RGL1: variants seen among roughly 807,000 people sequenced by gnomAD.
RGL1 encodes the protein ral guanine nucleotide dissociation stimulator like 1.
In RGL1, 24 loss-of-function variants were observed where a neutral mutation model predicts 95.2. That is an observed-to-expected ratio of 0.25 (90% CI 0.18 to 0.35). The LOEUF is 0.35. RGL1 is among the 10% of genes least tolerant of loss of function. RGL1 has a pLI of 1.00. For missense variants in RGL1, 715 were observed against 936.3 expected (o/e 0.76, Z 3.08); for synonymous variants, 329 against 344.9 (o/e 0.95, Z 0.51).
At chr1:183,898,378 C>T (rs1161019403) in intron 10 of RGL1, among the ~76,000 whole-genome samples, 5 of 152,326 alleles carry the variant, frequency 3.3e-5, no homozygotes, top group Middle Eastern at 6.8e-3. Context: ...CCCAGCTCTC[C>T]TTACTAATCC....
intron 3 of RGL1, among the ~76,000 whole-genome samples, chr1:183,864,676 C>A (rs1665717287): frequency 6.6e-6 from 1 of 152,130 alleles, no homozygotes; most frequent in South Asian, 2.1e-4. Context: ...ATAGCAGGTG[C>A]AGGACAGAAT....
intron 4 of RGL1, among the ~76,000 whole-genome samples, chr1:183,869,843 G>C (rs2102604818): frequency 6.6e-6 from 1 of 152,306 alleles, no homozygotes; most frequent in African/African-American, 2.4e-5. Flanking sequence ...CATCTGACTT[G>C]CAGCAATGAT....
At chr1:183,729,649 A>G (rs1307308766) in intron 1 of RGL1, among the ~76,000 whole-genome samples, 2 of 152,236 alleles carry the variant, frequency 1.3e-5, no homozygotes, top group South Asian at 4.1e-4. Context: ...AAATGAAAGC[A>G]TGTGTCCACA....
At chr1:183,856,794 G>GGT (rs1391606499) in intron 3 of RGL1, among the ~76,000 whole-genome samples, 10 of 152,002 alleles carry the variant, frequency 6.6e-5, no homozygotes, top group African/African-American at 2.2e-4. Context: ...AAAATCTTTG[G>GGT]GTATGAAAAT....
intron 2 of RGL1, among the ~76,000 whole-genome samples, chr1:183,746,145 C>G (rs962450392): frequency 6.6e-6 from 1 of 151,946 alleles, no homozygotes; most frequent in Non-Finnish European, 1.5e-5. Context: ...AGTCCACAAC[C>G]AACTTAAGAA....
intron 2 of RGL1, among the ~76,000 whole-genome samples, chr1:183,844,700 C>T (rs1321637441): frequency 6.6e-6 from 1 of 152,132 alleles, no homozygotes; most frequent in Non-Finnish European, 1.5e-5. Flanking sequence ...ATTGGAACTT[C>T]TGGGGAACAG....
intron 1 of RGL1, among the ~76,000 whole-genome samples, chr1:183,645,995 A>G (rs1174909076): frequency 6.6e-6 from 1 of 152,212 alleles, no homozygotes; most frequent in East Asian, 1.9e-4. Context: ...TCAGTTCATC[A>G]TCTATTTCAG....
intron 2 of RGL1, among the ~76,000 whole-genome samples, chr1:183,784,670 C>T (rs779919105): frequency 1.6e-4 from 25 of 152,172 alleles, no homozygotes; most frequent in Non-Finnish European, 8.8e-5. Context: ...GATGCAGATA[C>T]TGGAGAAACA....
intron 2 of RGL1, among the ~76,000 whole-genome samples, chr1:183,758,914 G>T (rs948429556): frequency 2.6e-5 from 4 of 152,140 alleles, no homozygotes; most frequent in African/African-American, 9.7e-5. Flanking sequence ...TCTGTCTTCT[G>T]CATAATTGAG....
intron 2 of RGL1, among the ~76,000 whole-genome samples, chr1:183,780,269 T>C (rs963528588): frequency 9.2e-5 from 14 of 152,210 alleles, no homozygotes; most frequent in African/African-American, 3.4e-4. Context: ...GCAGTCCTCC[T>C]TGTCGTCAAG....
intron 4 of RGL1, among the ~76,000 whole-genome samples, chr1:183,873,616 CATA>C (rs371744318): frequency 5.0e-4 from 76 of 152,256 alleles, no homozygotes; most frequent in African/African-American, 1.7e-3. Context: ...CCTATATCAC[CATA>C]ATAAGACTGC....
At chr1:183,790,513 A>G (rs1244423880) in intron 2 of RGL1, among the ~76,000 whole-genome samples, 2 of 152,198 alleles carry the variant, frequency 1.3e-5, no homozygotes, top group Non-Finnish European at 2.9e-5. Context: ...CAAGTGGGAA[A>G]GACTAATAAC....
chr1:183,840,321 T>C (rs553120469), intron 2 of RGL1, among the ~76,000 whole-genome samples: 1 of 152,140 alleles, frequency 6.6e-6, no homozygotes, highest in African/African-American at 2.4e-5. Flanking sequence ...TGACTCACCT[T>C]GGGAAGGAGG....
intron 9 of RGL1, among the ~76,000 whole-genome samples, chr1:183,893,805 C>G (rs1303121385): frequency 6.6e-6 from 1 of 152,188 alleles, no homozygotes; most frequent in Non-Finnish European, 1.5e-5. Context: ...GTCTGTAGGC[C>G]TCTTGCAGGC....
At chr1:183,645,720 C>T (rs12025732) in intron 1 of RGL1, among the ~76,000 whole-genome samples, 12,438 of 152,130 alleles carry the variant, frequency 0.082, 1,003 homozygotes, top group African/African-American at 0.21. Context: ...TTATAGCAGA[C>T]GGAGCTGAAA....
At chr1:183,793,269 G>A (rs2500099) in intron 2 of RGL1, among the ~76,000 whole-genome samples, 79,747 of 151,960 alleles carry the variant, frequency 0.52, 22,245 homozygotes, top group East Asian at 0.84. Context: ...ATCTCTCACC[G>A]TGTATAAAAA....
chr1:183,843,864 T>C lies in RGL1; in HGVS notation c.139-3702T>C, dbSNP rs533612418. Among the ~76,000 whole-genome samples the C allele has an allele frequency of 1.6e-4, 25 of 152,284 alleles. No homozygotes were observed. The East Asian group carries it at 4.6e-3, about 28-fold the overall frequency. On this transcript the variant is annotated intron_variant, in intron 2 of 17. Transcript: ENST00000360851. The stretch of plus-strand genomic sequence containing the variant: ...GCTTTTGAGATGGAGTCTCGCTCTG[T>C]TGCCCAGGCTGGAGTGCAGTGGCAC...
intron 1 of RGL1, among the ~76,000 whole-genome samples, chr1:183,700,411 G>T (rs967542869): frequency 1.3e-5 from 2 of 149,160 alleles, no homozygotes; most frequent in African/African-American, 4.9e-5. Flanking sequence ...AAAATGGACA[G>T]AAAGCAGGTT....
intron 2 of RGL1, among the ~76,000 whole-genome samples, chr1:183,781,256 T>G (rs1047991276): frequency 7.2e-5 from 11 of 152,164 alleles, no homozygotes; most frequent in African/African-American, 2.7e-4. Context: ...ACACACACAG[T>G]AAACATTTTT....
Sources: allele counts gnomAD v4.1 joint callset (sites outside exome capture counted in the v4.1 genomes callset), GRCh38; gene constraint gnomAD v4.1.1; transcripts MANE v1.5; gene names NCBI Gene and HGNC (gene_info 2026-07-23, HGNC 2026-07-21).